FAM162A: variants seen among roughly 807,000 people sequenced by gnomAD.
FAM162A encodes the protein family with sequence similarity 162 member A.
Under a neutral mutation model 21.8 loss-of-function variants are expected in FAM162A, and 23 were observed. The observed-to-expected ratio is 1.05, with a 90% CI of 0.76 to 1.49. The LOEUF (loss-of-function observed/expected upper bound fraction) is 1.49. Ranked by LOEUF, FAM162A falls within the 40% of genes most tolerant of loss-of-function variation. The pLI is 0.00. For missense variants in FAM162A, 165 were observed against 186.4 expected, an observed-to-expected ratio of 0.89 and a Z score of 0.67; for synonymous variants, 53 against 61.3, an observed-to-expected ratio of 0.86 and a Z score of 0.64.
At chr3:122,397,628 T>C (rs2075634764) in intron 1 of FAM162A, among the ~76,000 whole-genome samples, 1 of 152,192 alleles carries the variant, frequency 6.6e-6, no homozygotes, top group Non-Finnish European at 1.5e-5. Context: ...CCTGGCCTCA[T>C]CTGCACCACA....
chr3:122,386,351 C>G (rs1028355770), intron 1 of FAM162A, among the ~76,000 whole-genome samples: 12 of 152,050 alleles, frequency 7.9e-5, no homozygotes, highest in Non-Finnish European at 1.8e-4. Context: ...GAGTTTGAGA[C>G]CAGCCTGGCT....
intron 4 of FAM162A, among the ~76,000 whole-genome samples, chr3:122,409,521 G>A (rs975071048): frequency 6.6e-6 from 1 of 151,988 alleles, no homozygotes; most frequent in Non-Finnish European, 1.5e-5. Flanking sequence ...AAAAGGAGAG[G>A]TGTGGCACTT....
chr3:122,411,689 C>T lies in FAM162A; in HGVS notation c.*1858C>T, dbSNP rs142037938. 0.011 allele frequency: 1,742 copies of T among 151,968 alleles called. 17 individuals are homozygous for T. Among genetic ancestry groups the T allele is most frequent in the Non-Finnish European group, 0.02 (1,364 of 68,012 alleles). 9.4% of individuals were successfully genotyped at this position (151,968 alleles called of 1,614,324 possible). The stretch of plus-strand genomic sequence containing the variant: ...GTGCCTCAGCCTCCTCAGTAACTGG[C>T]ATTATAGGTGTGCACCACCACACCT... On this transcript the variant is annotated 3_prime_UTR_variant, in exon 5 of 5. Transcript: ENST00000477892.
intron 1 of FAM162A, chr3:122,401,365 T>G: frequency 9.9e-7 from 1 of 1,009,186 alleles, no homozygotes; most frequent in Non-Finnish European, 1.2e-6. Flanking sequence ...AGAGAACTCC[T>G]TTTCTTTCAG....
chr3:122,408,565 C>T (rs1037895200), intron 4 of FAM162A, among the ~76,000 whole-genome samples: 17 of 152,214 alleles, frequency 1.1e-4, no homozygotes, highest in Admixed American at 6.5e-4. Flanking sequence ...CATGGGAGTA[C>T]GAAGGGGCAA....
chr3:122,386,184 C>T (rs1317498575), intron 1 of FAM162A, among the ~76,000 whole-genome samples: 1 of 152,158 alleles, frequency 6.6e-6, no homozygotes, highest in African/African-American at 2.4e-5. Context: ...AGTACACCTT[C>T]ATGTGCAAAT....
intron 1 of FAM162A, among the ~76,000 whole-genome samples, chr3:122,388,282 C>T (rs1307021544): frequency 2.0e-5 from 3 of 152,082 alleles, no homozygotes; most frequent in Non-Finnish European, 4.4e-5. Flanking sequence ...AGAAGTATTG[C>T]CTCATTGTCA....
At chr3:122,390,908 A>G (rs1400837548) in intron 1 of FAM162A, among the ~76,000 whole-genome samples, 1 of 152,222 alleles carries the variant, frequency 6.6e-6, no homozygotes, top group Admixed American at 6.5e-5. Flanking sequence ...CCCTGGAGAC[A>G]CAGAATTGGT....
intron 1 of FAM162A, among the ~76,000 whole-genome samples, chr3:122,400,337 CAG>C (rs2075647142): frequency 6.6e-6 from 1 of 151,872 alleles, no homozygotes; most frequent in Non-Finnish European, 1.5e-5. Context: ...CACATGGACA[CAG>C]GGAGCGGAAC....
At position 122,409,903 on chromosome 3, in the gene FAM162A, T is replaced by C. The variant is rs1414411166; in HGVS notation, c.*72T>C. 1.0e-5 allele frequency: 13 copies of C among 1,302,702 alleles called. No individual in the cohort carries two copies. The highest frequency in any genetic ancestry group is 1.4e-5 in the Non-Finnish European group (13 of 900,036). The allele number at this position is 1,302,702 out of a possible 1,614,324, so 80.7% of individuals were successfully genotyped here. Reference sequence around the variant, plus strand: ...TATAACGTGCCTGTATTAAAAAGGATGTGGTATGAGGATCCATTTCATAAA... The same window carrying C: ...TATAACGTGCCTGTATTAAAAAGGACGTGGTATGAGGATCCATTTCATAAA... On this transcript the variant is annotated 3_prime_UTR_variant, in exon 5 of 5. Coordinates refer to ENST00000477892, the MANE Select transcript of FAM162A (RefSeq NM_014367.4).
At chr3:122,388,530 A>G (rs1395907310) in intron 1 of FAM162A, among the ~76,000 whole-genome samples, 1 of 152,242 alleles carries the variant, frequency 6.6e-6, no homozygotes, top group African/African-American at 2.4e-5. Context: ...AGCACAGAAT[A>G]GAAGCAAGGA....
chr3:122,399,664 T>A (rs1318583268), intron 1 of FAM162A, among the ~76,000 whole-genome samples: 1 of 152,238 alleles, frequency 6.6e-6, no homozygotes, highest in African/African-American at 2.4e-5. Flanking sequence ...TTGCTGGGTC[T>A]AATGGTAGTT....
At chr3:122,406,346 C>T (rs2075676499) in intron 3 of FAM162A, among the ~76,000 whole-genome samples, 1 of 152,210 alleles carries the variant, frequency 6.6e-6, no homozygotes, top group Non-Finnish European at 1.5e-5. Flanking sequence ...AGGAGGATCG[C>T]TTCAGTCTAA....
At chr3:122,404,475 T>G (rs2075668328) in intron 3 of FAM162A, 112 bp downstream of exon 3, 1 of 509,454 alleles carries the variant, frequency 2.0e-6, no homozygotes, top group African/African-American at 2.0e-5. Flanking sequence ...TTTGAAAACA[T>G]TTTTCACTTT....
intron 1 of FAM162A, among the ~76,000 whole-genome samples, chr3:122,398,281 A>G (rs2107698460): frequency 6.6e-6 from 1 of 152,322 alleles, no homozygotes; most frequent in Non-Finnish European, 1.5e-5. Flanking sequence ...GGATCTAGGT[A>G]ATAATCACCA....
rs191779537 is a variant in FAM162A at position 122,387,068 on chromosome 3, G to A, written c.34+2769G>A. On this transcript the variant is annotated intron_variant, in intron 1 of 4. Transcript: ENST00000477892. ...TTTTACTCAGTCCTTACCACTTATT[G>A]GTGTTCAGTTCATAGTAGACAGGCA... Among the ~76,000 whole-genome samples, 24 of 152,272 alleles carry A rather than the reference G, an allele frequency of 1.6e-4. No individual in the cohort carries two copies. In the East Asian group the frequency reaches 4.6e-3, roughly 29 times the overall value.
intron 1 of FAM162A, among the ~76,000 whole-genome samples, chr3:122,392,735 G>A (rs938214247): frequency 6.6e-6 from 1 of 152,136 alleles, no homozygotes; most frequent in African/African-American, 2.4e-5. Flanking sequence ...TTTAATAATT[G>A]TGTCTTAATC....
intron 1 of FAM162A, among the ~76,000 whole-genome samples, chr3:122,385,954 A>G (rs1443589730): frequency 1.3e-5 from 2 of 152,200 alleles, no homozygotes; most frequent in African/African-American, 4.8e-5. Context: ...CACTTTATAA[A>G]TGAAGAAACA....
chr3:122,404,596 G>A (rs1175639366), intron 3 of FAM162A, among the ~76,000 whole-genome samples: 1 of 152,188 alleles, frequency 6.6e-6, no homozygotes, highest in Non-Finnish European at 1.5e-5. Flanking sequence ...CAGGTACTCT[G>A]AAGTCAATTG....
Sources: allele counts gnomAD v4.1 joint callset (sites outside exome capture counted in the v4.1 genomes callset), GRCh38; gene constraint gnomAD v4.1.1; transcripts MANE v1.5; gene names NCBI Gene and HGNC (gene_info 2026-07-23, HGNC 2026-07-21).